BRI3BP: variants seen among roughly 807,000 people sequenced by gnomAD.
BRI3BP encodes the protein BRI3-binding protein.
BRI3BP carries 7 observed loss-of-function variants against 15.8 expected under a neutral mutation model. The observed-to-expected ratio is 0.44, with a 90% CI of 0.25 to 0.83. BRI3BP has a LOEUF of 0.83. Ranked by LOEUF, BRI3BP falls within the 40% of genes least tolerant of loss-of-function variation. The pLI is 0.20. For missense variants in BRI3BP, 320 were observed against 339.3 expected (o/e 0.94, Z 0.45); for synonymous variants, 192 against 163.5 (o/e 1.17, Z -1.33).
At chr12:125,006,728 A>G (rs991606548) in intron 1 of BRI3BP, among the ~76,000 whole-genome samples, 1 of 152,202 alleles carries the variant, frequency 6.6e-6, no homozygotes, top group Non-Finnish European at 1.5e-5. Context: ...CATTTCTCCC[A>G]CAGCAGAGAA....
At chr12:124,995,469 G>A (rs1263044215) in intron 1 of BRI3BP, among the ~76,000 whole-genome samples, 2 of 152,190 alleles carry the variant, frequency 1.3e-5, no homozygotes, top group Non-Finnish European at 2.9e-5. Context: ...TCAACTGACG[G>A]TGGTTCCATG....
At position 125,029,251 on chromosome 12, in the gene BRI3BP, A is replaced by G. The variant is rs921687431; in HGVS notation, c.*3821A>G. The stretch of plus-strand genomic sequence containing the variant: ...TTTCCAGGCTGGGTGCAGTGGCTCA[A>G]GCTTGTAATCCCAGCACTTTGGGAG... On this transcript the variant is annotated 3_prime_UTR_variant, in exon 3 of 3. Transcript: ENST00000341446. The G allele has an allele frequency of 1.3e-5, 2 of 151,416 alleles. No individual in the cohort carries two copies. The highest frequency in any genetic ancestry group is 1.3e-4 in the Admixed American group (2 of 15,068). The allele number at this position is 151,416 out of a possible 1,614,324, so 9.4% of individuals were successfully genotyped here.
In BRI3BP at chr12:125,024,699, T is replaced by C. The variant is rs541525354; in HGVS notation, c.317-292T>C. Among the ~76,000 whole-genome samples, 5 of 152,152 alleles carry C rather than the reference T, an allele frequency of 3.3e-5. 1 individual carries two copies. In the South Asian group the frequency reaches 1.0e-3, roughly 32 times the overall value. ...CTGTAATCCCAGCTACCCCGGAGGC[T>C]GAGACAGGAGAATTGCTTGAACCCA... On this transcript the variant is annotated intron_variant, in intron 2 of 2. Coordinates refer to ENST00000341446, the MANE Select transcript of BRI3BP (RefSeq NM_080626.6).
At chr12:125,032,779 A>G (rs1284709228), downstream of BRI3BP, among the ~76,000 whole-genome samples, 1 of 152,258 alleles carries the variant, frequency 6.6e-6, no homozygotes, top group African/African-American at 2.4e-5. Flanking sequence ...ATCTCAAAAT[A>G]TAATCATTTT....
At chr12:125,008,463 C>T (rs778105159) in intron 1 of BRI3BP, among the ~76,000 whole-genome samples, 14 of 152,022 alleles carry the variant, frequency 9.2e-5, no homozygotes, top group Non-Finnish European at 1.8e-4. Flanking sequence ...CAGGCGCCCA[C>T]CACCACGCAT....
At chr12:125,020,057 C>T (rs1410507990) in intron 2 of BRI3BP, among the ~76,000 whole-genome samples, 2 of 150,634 alleles carry the variant, frequency 1.3e-5, no homozygotes, top group Non-Finnish European at 2.9e-5. Flanking sequence ...GATTCTCCTG[C>T]CTCAGCCTCC....
At chr12:125,005,981 C>T (rs992493395) in intron 1 of BRI3BP, among the ~76,000 whole-genome samples, 2 of 152,084 alleles carry the variant, frequency 1.3e-5, no homozygotes, top group Non-Finnish European at 2.9e-5. Flanking sequence ...GTTGCTTTCT[C>T]CTGAGGCCCC....
At position 125,025,642 on chromosome 12, in the gene BRI3BP, G is replaced by T; in HGVS notation, c.*212G>T. The stretch of plus-strand genomic sequence containing the variant: ...ATTGACGTGGAACTACACACGAAGT[G>T]TAATTAGTGGGGGAAAAAATATTTT... On this transcript the variant is annotated 3_prime_UTR_variant, in exon 3 of 3. Transcript: ENST00000341446. The T allele has an allele frequency of 1.9e-6, 1 of 535,278 alleles. No homozygotes were observed. The highest frequency in any genetic ancestry group is 3.2e-6 in the Non-Finnish European group (1 of 308,890). 33.2% of individuals were successfully genotyped at this position (535,278 alleles called of 1,614,324 possible). A position where few individuals can be genotyped will look rare whatever the true frequency, so the allele number is the denominator to read the frequency against.
chr12:124,994,252 C>T (rs2135984250), intron 1 of BRI3BP, among the ~76,000 whole-genome samples: 1 of 152,092 alleles, frequency 6.6e-6, no homozygotes. Flanking sequence ...ACCTTGCCTC[C>T]GCGGTCGGCG....
At chr12:125,012,064 G>A (rs896056132) in intron 1 of BRI3BP, among the ~76,000 whole-genome samples, 13 of 152,308 alleles carry the variant, frequency 8.5e-5, no homozygotes, top group African/African-American at 3.1e-4. Context: ...GGCTGCACCT[G>A]TAGCCCTAGC....
At chr12:125,000,564 G>A (rs994259831) in intron 1 of BRI3BP, among the ~76,000 whole-genome samples, 56 of 150,832 alleles carry the variant, frequency 3.7e-4, no homozygotes, top group Non-Finnish European at 7.2e-4. Context: ...TGCCTGCCTC[G>A]GCCTCCCAAA....
chr12:125,017,325 G>GT (rs57946757), intron 2 of BRI3BP, among the ~76,000 whole-genome samples: 13,904 of 138,658 alleles, frequency 0.1, 1,787 homozygotes, highest in African/African-American at 0.3. Context: ...CCCCCCTAAT[G>GT]TTTTTTTTTT....
intron 1 of BRI3BP, among the ~76,000 whole-genome samples, chr12:125,003,989 AC>A (rs1565902666): frequency 0.044 from 6,583 of 149,466 alleles, 437 homozygotes; most frequent in African/African-American, 0.14. Flanking sequence ...ACACACACAC[AC>A]ACACACACAC....
At chr12:124,994,109 C>A (rs34842742) in intron 1 of BRI3BP, 106 bp downstream of exon 1, 1 of 799,736 alleles carries the variant, frequency 1.3e-6, no homozygotes, top group Non-Finnish European at 1.6e-6. Context: ...CCCGCCCGGC[C>A]AGCGCGCGGG....
chr12:125,008,106 A>ATGCTGC (rs35028449), intron 1 of BRI3BP, among the ~76,000 whole-genome samples: 1 of 151,250 alleles, frequency 6.6e-6, no homozygotes, highest in Admixed American at 6.6e-5. Context: ...CTCCTGGGTG[A>ATGCTGC]TGCTGCTGCT....
intron 1 of BRI3BP, among the ~76,000 whole-genome samples, chr12:124,999,788 T>C (rs919668615): frequency 1.0e-4 from 14 of 136,616 alleles, no homozygotes; most frequent in African/African-American, 3.7e-4. Flanking sequence ...CAGCTAATTT[T>C]TTTGTGTGTT....
rs1248919557 is a variant in BRI3BP, at chr12:125,002,463, T to G, written c.213+8460T>G. 3.4e-5 allele frequency among the ~76,000 whole-genome samples: 5 copies of G among 149,246 alleles called. No individual in the cohort carries two copies. The East Asian group carries it at 7.8e-4, about 23-fold the overall frequency. The stretch of plus-strand genomic sequence containing the variant: ...GAACTGGTTTTTTTTTTTGTTTTGT[T>G]TTTTTTTTTTTTGAGACAGAGTCTC... On this transcript the variant is annotated intron_variant, in intron 1 of 2. Transcript: ENST00000341446.
At chr12:125,004,264 C>T (rs766094577) in intron 1 of BRI3BP, among the ~76,000 whole-genome samples, 1 of 152,146 alleles carries the variant, frequency 6.6e-6, no homozygotes. Context: ...GCTTCAACCT[C>T]CCAGGTTCGA....
intron 1 of BRI3BP, among the ~76,000 whole-genome samples, chr12:124,999,762 C>T (rs1158135517): frequency 2.0e-5 from 3 of 148,448 alleles, no homozygotes; most frequent in Admixed American, 6.8e-5. Flanking sequence ...GGACTACAGG[C>T]GCCTGCCACC....
Sources: allele counts gnomAD v4.1 joint callset (sites outside exome capture counted in the v4.1 genomes callset), GRCh38; gene constraint gnomAD v4.1.1; transcripts MANE v1.5; gene names NCBI Gene and HGNC (gene_info 2026-07-23, HGNC 2026-07-21).